Variants in AKNAD1 observed in about 807,000 individuals in gnomAD.
AKNAD1 encodes AKNA domain containing 1.
A neutral mutation model predicts 90.8 loss-of-function variants in AKNAD1; 67 were observed. The observed-to-expected ratio is 0.74, with a 90% CI of 0.61 to 0.90. The LOEUF is 0.90. Ranked by LOEUF, AKNAD1 falls within the 40% of genes least tolerant of loss-of-function variation. The probability of loss-of-function intolerance (pLI) is 0.00; values close to 1 mark genes in which losing one functional copy is unlikely to be tolerated. For missense variants in AKNAD1, 957 were observed against 975.4 expected (o/e 0.98, Z 0.25); for synonymous variants, 327 against 341.4 (o/e 0.96, Z 0.46).
chr1:108,835,627 ATTTT>A lies in AKNAD1; in HGVS notation c.1537-575_1537-572del, dbSNP rs200186739. Among the ~76,000 whole-genome samples, 14 of 145,134 alleles carry A rather than the reference ATTTT, an allele frequency of 9.6e-5. 1 individual carries two copies. The highest frequency in any genetic ancestry group is 3.3e-3 in the Middle Eastern group (1 of 306). The stretch of plus-strand genomic sequence containing the variant: ...CATTTCATAATTATATGTTAATTTA[ATTTT>A]TTTTTTTTTTTGAGATGGAGTCTTG... On this transcript the variant is annotated intron_variant, in intron 7 of 15. Transcript: ENST00000370001.
intron 5 of AKNAD1, among the ~76,000 whole-genome samples, chr1:108,844,056 CTG>C (rs59023428): frequency 0.32 from 48,246 of 151,846 alleles, 8,547 homozygotes; most frequent in African/African-American, 0.49. Flanking sequence ...AGAAAAGAGA[CTG>C]TGGCTTAGAG....
chr1:108,821,091 A>C (rs1202398047), intron 13 of AKNAD1, among the ~76,000 whole-genome samples: 2 of 152,024 alleles, frequency 1.3e-5, no homozygotes, highest in Non-Finnish European at 2.9e-5. Flanking sequence ...TGTCTCTAAA[A>C]ATGAAATTTT....
At chr1:108,853,963 C>T (rs1474674367) in intron 1 of AKNAD1, among the ~76,000 whole-genome samples, 2 of 151,968 alleles carry the variant, frequency 1.3e-5, no homozygotes, top group African/African-American at 4.8e-5. Context: ...GAAATGTGAC[C>T]AAGGGACAAA....
intron 14 of AKNAD1, chr1:108,817,482 C>T (rs138477321): frequency 5.1e-4 from 53 of 103,408 alleles, no homozygotes; most frequent in Admixed American, 6.5e-4. Context: ...GGCCAACTTT[C>T]TTTTTTTTTT....
Position 108,851,908 on chromosome 1 carries a change from G to C in AKNAD1, c.757C>G (p.Gln253Glu). The C allele has an allele frequency of 6.2e-7, 1 of 1,614,180 alleles. No individual in the cohort carries two copies. The highest frequency in any genetic ancestry group is 8.5e-7 in the Non-Finnish European group (1 of 1,180,032). ...AAATCAGGGAGCTGGTAATGAACTT[G>C]ACCTTGGCCGTATTTGAACGTGTTG... ...SGNTFKYGQGQVHYQLPDFSK... is the reference protein window; with the variant it reads ...SGNTFKYGQGEVHYQLPDFSK... Residue 253 changes from glutamine (Q) to glutamate (E), a missense_variant, in exon 2 of 16, where the codon CAA becomes GAA. Transcript: ENST00000370001.
intron 11 of AKNAD1, among the ~76,000 whole-genome samples, chr1:108,824,546 G>A (rs542906060): frequency 6.6e-6 from 1 of 151,750 alleles, no homozygotes; most frequent in South Asian, 2.1e-4. Flanking sequence ...AAGGCCCAGG[G>A]TTGAAGCCTG....
chr1:108,824,422 T>C (rs1663927987), intron 11 of AKNAD1, among the ~76,000 whole-genome samples: 1 of 147,078 alleles, frequency 6.8e-6, no homozygotes, highest in African/African-American at 2.4e-5. Flanking sequence ...ATTTTTAACA[T>C]TAAAGTGAAG....
chr1:108,852,178 C>T lies in AKNAD1; in HGVS notation c.487G>A (p.Glu163Lys). Residue 163 changes from glutamate to lysine, a missense_variant, in exon 2 of 16, where the codon GAA (glutamate) becomes AAA (lysine). Glu to Lys is a moderately conservative substitution (Grantham distance 56). Coordinates refer to ENST00000370001, the MANE Select transcript of AKNAD1 (RefSeq NM_152763.5). ...SCYNKNSWPK[E>K]QTPELTDQLN... ...TGGTCAGTGAGTTCTGGGGTTTGTT[C>T]TTTTGGCCAAGAATTCTTATTATAA... 1 of 1,613,778 alleles carries T rather than the reference C, an allele frequency of 6.2e-7. No homozygotes were observed. The highest frequency in any genetic ancestry group is 8.5e-7 in the Non-Finnish European group (1 of 1,179,954).
chr1:108,833,531 T>C (rs6688694), intron 9 of AKNAD1, among the ~76,000 whole-genome samples: 50,503 of 151,606 alleles, frequency 0.33, 9,424 homozygotes, highest in African/African-American at 0.52. Flanking sequence ...TGCAGTGAGC[T>C]GGGATCGCAC....
chr1:108,834,573 C>A lies in AKNAD1; in HGVS notation c.1665-45G>T, dbSNP rs923589697. On this transcript the variant is annotated intron_variant, in intron 8 of 15. Coordinates refer to ENST00000370001, the MANE Select transcript of AKNAD1 (RefSeq NM_152763.5). ...AGCAGTTTGAATGTTAGAATCAGTT[C>A]TTGAGCTACCTGGGAGCTCCACTAT... is the stretch of plus-strand genomic sequence containing the variant. 6.0e-6 allele frequency: 9 copies of A among 1,511,036 alleles called. No individual in the cohort carries two copies. In the African/African-American group the frequency reaches 9.7e-5, roughly 16 times the overall value. The allele number at this position is 1,511,036 out of a possible 1,614,324, so 93.6% of individuals were successfully genotyped here. A position where few individuals can be genotyped will look rare whatever the true frequency, so the allele number is the denominator to read the frequency against.
rs748130699 is a variant in AKNAD1, at chr1:108,820,602, C to T, written c.2192G>A (p.Cys731Tyr). The change falls in exon 14 of 16, where the codon TGT becomes TAT. Residue 731 changes from cysteine to tyrosine, a missense_variant. By Grantham distance (194) the Cys-to-Tyr change is radical. Coordinates refer to ENST00000370001, the MANE Select transcript of AKNAD1 (RefSeq NM_152763.5). Reference protein sequence around the residue: ...SPSFLKPKRICSQRVNSKSFK... With the variant: ...SPSFLKPKRIYSQRVNSKSFK... ...GGATTTTGAATTCACTCTCTGAGAA[C>T]AGATCCGTTTGGGTTTTAAAAAAGC... is the stretch of plus-strand genomic sequence containing the variant. The T allele has an allele frequency of 6.2e-7, 1 of 1,611,002 alleles. No individual in the cohort carries two copies. Among genetic ancestry groups the T allele is most frequent in the Non-Finnish European group, 8.5e-7 (1 of 1,178,100 alleles).
intron 9 of AKNAD1, among the ~76,000 whole-genome samples, chr1:108,832,399 T>G (rs566848389): frequency 2.8e-4 from 42 of 151,994 alleles, no homozygotes; most frequent in African/African-American, 8.7e-4. Context: ...AATTTTGGTA[T>G]GTCTTAGTAG....
At chr1:108,847,404 C>T (rs1461606296) in intron 5 of AKNAD1, among the ~76,000 whole-genome samples, 3 of 149,900 alleles carry the variant, frequency 2.0e-5, no homozygotes, top group East Asian at 2.0e-4. Flanking sequence ...GCTGAGATCA[C>T]ACCACTGCAC....
intron 1 of AKNAD1, among the ~76,000 whole-genome samples, chr1:108,853,661 C>T (rs568506095): frequency 8.4e-4 from 127 of 151,826 alleles, no homozygotes; most frequent in African/African-American, 2.8e-3. Flanking sequence ...GGGCCGGGCA[C>T]GGTGCCTCAC....
chr1:108,822,175 G>C (rs1156923276), intron 13 of AKNAD1, among the ~76,000 whole-genome samples: 1 of 152,176 alleles, frequency 6.6e-6, no homozygotes, highest in Non-Finnish European at 1.5e-5. Context: ...TTCTAGTCCA[G>C]TGTACAGATC....
chr1:108,852,084 G>A lies in AKNAD1; in HGVS notation c.581C>T (p.Thr194Ile), dbSNP rs746401089. 1 of 1,614,012 alleles carries A rather than the reference G, an allele frequency of 6.2e-7. No individual in the cohort carries two copies. The highest frequency in any genetic ancestry group is 1.7e-5 in the Admixed American group (1 of 60,000). The change falls in exon 2 of 16, where the codon ACC becomes ATC. Residue 194 changes from threonine (T) to isoleucine (I), a missense_variant. Coordinates refer to ENST00000370001, the MANE Select transcript of AKNAD1 (RefSeq NM_152763.5). ...PGSATTTEEN[T>I]SDLEGPVAAG... ...AGCCACTGGCCCTTCTAAATCAGAG[G>A]TATTTTCCTCTGTCGTGGTGGCAGA...
At chr1:108,834,870 TGAGGAAG>T in intron 8 of AKNAD1, 52 bp downstream of exon 8, 1 of 1,494,902 alleles carries the variant, frequency 6.7e-7, no homozygotes. Flanking sequence ...GGAGGCTGCA[TGAGGAAG>T]GGGCCTCTTT....
intron 7 of AKNAD1, 121 bp downstream of exon 7, chr1:108,837,429 G>T: frequency 1.0e-6 from 1 of 996,094 alleles, no homozygotes; most frequent in Non-Finnish European, 1.5e-6. Flanking sequence ...TGGGACTTTG[G>T]AAAGTTAAAT....
intron 1 of AKNAD1, 24 bp from the exon 2 acceptor site, chr1:108,852,791 A>T: frequency 2.6e-6 from 2 of 773,064 alleles, no homozygotes; most frequent in East Asian, 5.2e-5. Flanking sequence ...GAACAGCCTC[A>T]TTGTTAAATA....
Sources: allele counts gnomAD v4.1 joint callset (sites outside exome capture counted in the v4.1 genomes callset), GRCh38; gene constraint gnomAD v4.1.1; transcripts MANE v1.5; gene names NCBI Gene and HGNC (gene_info 2026-07-23, HGNC 2026-07-21).